The following PACRG variants were observed in gnomAD, a reference collection of about 807,000 sequenced individuals.
PACRG encodes the protein parkin coregulated gene protein.
Under a neutral mutation model 29.7 loss-of-function variants are expected in PACRG, and 29 were observed. The observed-to-expected ratio is 0.98, with a 90% CI of 0.73 to 1.33. The LOEUF (loss-of-function observed/expected upper bound fraction) is 1.33, where lower values mean the gene tolerates loss of function less well. PACRG is among the 40% of genes most tolerant of loss of function. PACRG has a pLI of 0.00. For synonymous variants in PACRG, 116 were observed against 118.7 expected, an observed-to-expected ratio of 0.98 and a Z score of 0.15; for missense variants, 279 against 316.2, an observed-to-expected ratio of 0.88 and a Z score of 0.89.
At chr6:162,916,529 A>G (rs1277987978) in intron 2 of PACRG, among the ~76,000 whole-genome samples, 2 of 152,132 alleles carry the variant, frequency 1.3e-5, no homozygotes, top group Non-Finnish European at 2.9e-5. Context: ...TATGTTATGC[A>G]GTACCTTCTG....
chr6:163,269,313 C>A (rs1437213248), intron 4 of PACRG, among the ~76,000 whole-genome samples: 1 of 152,194 alleles, frequency 6.6e-6, no homozygotes, highest in Admixed American at 6.5e-5. Context: ...AAGAGGTGAG[C>A]ATTTGGCCCA....
At chr6:163,224,339 A>G (rs1781699567) in intron 4 of PACRG, among the ~76,000 whole-genome samples, 1 of 130,058 alleles carries the variant, frequency 7.7e-6, no homozygotes, top group Non-Finnish European at 1.6e-5. Context: ...ACTGCACTGT[A>G]GCCTGGGCAA....
chr6:162,953,109 T>G (rs1799773895), intron 2 of PACRG, among the ~76,000 whole-genome samples: 1 of 152,170 alleles, frequency 6.6e-6, no homozygotes, highest in Non-Finnish European at 1.5e-5. Flanking sequence ...CAGGGGAGTG[T>G]GTTGCTTTAA....
At chr6:163,180,071 T>C (rs1779581180) in intron 4 of PACRG, among the ~76,000 whole-genome samples, 1 of 152,260 alleles carries the variant, frequency 6.6e-6, no homozygotes, top group East Asian at 1.9e-4. Flanking sequence ...TTGAAATTAC[T>C]TGCATTATCC....
At chr6:162,795,301 C>A (rs575011524) in intron 1 of PACRG, among the ~76,000 whole-genome samples, 1 of 152,144 alleles carries the variant, frequency 6.6e-6, no homozygotes, top group South Asian at 2.1e-4. Flanking sequence ...CTTATTCTTT[C>A]TTTTTTCTTT....
chr6:163,069,928 CAAAT>C (rs1811890916), intron 3 of PACRG, among the ~76,000 whole-genome samples: 1 of 152,086 alleles, frequency 6.6e-6, no homozygotes, highest in South Asian at 2.1e-4. Flanking sequence ...AGAAAATAAA[CAAAT>C]AACATTCAAT....
intron 4 of PACRG, among the ~76,000 whole-genome samples, chr6:163,112,971 T>C (rs1456890077): frequency 2.0e-5 from 3 of 152,048 alleles, no homozygotes; most frequent in Non-Finnish European, 4.4e-5. Flanking sequence ...TTAAAGATAC[T>C]CAAAGAACTA....
chr6:163,108,609 G>A (rs979570879), intron 4 of PACRG, among the ~76,000 whole-genome samples: 8 of 151,470 alleles, frequency 5.3e-5, no homozygotes, highest in African/African-American at 1.7e-4. Context: ...TGTTGGTCTC[G>A]AACTCCTGGC....
intron 1 of PACRG, among the ~76,000 whole-genome samples, chr6:162,773,493 C>CTTTTT (rs1562582605): frequency 1.5e-4 from 12 of 82,720 alleles, no homozygotes; most frequent in African/African-American, 1.9e-4. Flanking sequence ...TACAGCTTGT[C>CTTTTT]ATTTTTTTTT....
intron 2 of PACRG, among the ~76,000 whole-genome samples, chr6:162,907,537 G>A (rs902215522): frequency 3.9e-5 from 6 of 152,030 alleles, no homozygotes; most frequent in African/African-American, 1.4e-4. Context: ...CAGCAGGCAG[G>A]TTTTTCTGGT....
At chr6:163,059,643 G>C (rs1223571590) in intron 2 of PACRG, among the ~76,000 whole-genome samples, 2 of 152,080 alleles carry the variant, frequency 1.3e-5, no homozygotes, top group African/African-American at 4.8e-5. Context: ...AGACTGCTTG[G>C]GCTTGAAACC....
intron 2 of PACRG, among the ~76,000 whole-genome samples, chr6:162,970,182 A>G (rs957707139): frequency 9.9e-5 from 15 of 152,160 alleles, no homozygotes; most frequent in Admixed American, 9.2e-4. Context: ...AAGAAATGAG[A>G]GCAGATAATC....
intron 1 of PACRG, among the ~76,000 whole-genome samples, chr6:162,747,371 C>T (rs74825005): frequency 0.043 from 1,808 of 41,602 alleles, 293 homozygotes; most frequent in African/African-American, 0.063. Context: ...TATACACATA[C>T]ATATATATGT....
chr6:163,066,260 G>A (rs1407574945), intron 3 of PACRG, among the ~76,000 whole-genome samples: 1 of 152,186 alleles, frequency 6.6e-6, no homozygotes, highest in Non-Finnish European at 1.5e-5. Context: ...CCAGACAACA[G>A]AGCACCTTTT....
chr6:163,165,501 T>A (rs1186420236), intron 4 of PACRG: 1 of 152,376 alleles, frequency 6.6e-6, no homozygotes, highest in Non-Finnish European at 1.5e-5. Context: ...GAGGAACCAG[T>A]ACCAAGAATA....
At chr6:163,300,455 G>A (rs993913452) in intron 4 of PACRG, among the ~76,000 whole-genome samples, 6 of 152,172 alleles carry the variant, frequency 3.9e-5, no homozygotes, top group East Asian at 1.9e-4. Context: ...GTAGAGAAGC[G>A]GAGGGAGTCT....
chr6:162,943,212 C>A (rs1196106745), intron 2 of PACRG, among the ~76,000 whole-genome samples: 1 of 152,210 alleles, frequency 6.6e-6, no homozygotes, highest in Non-Finnish European at 1.5e-5. Context: ...CAAAGTGCCA[C>A]TTTGAGAGCC....
chr6:162,752,753 A>C (rs1321820511), intron 1 of PACRG, among the ~76,000 whole-genome samples: 2 of 152,360 alleles, frequency 1.3e-5, no homozygotes, highest in Admixed American at 1.3e-4. Flanking sequence ...AGTACCAGAC[A>C]CTAAACAAAT....
chr6:162,788,434 C>T (rs2128323029), intron 1 of PACRG, among the ~76,000 whole-genome samples: 1 of 152,302 alleles, frequency 6.6e-6, no homozygotes, highest in Middle Eastern at 3.4e-3. Flanking sequence ...ATCTTGGTTC[C>T]TTCCAAGTTT....
Sources: allele counts gnomAD v4.1 joint callset (sites outside exome capture counted in the v4.1 genomes callset), GRCh38; gene constraint gnomAD v4.1.1; transcripts MANE v1.5; gene names NCBI Gene and HGNC (gene_info 2026-07-23, HGNC 2026-07-21).